The following INSL6 variants were observed in gnomAD, a reference collection of about 807,000 sequenced individuals.
The protein encoded by INSL6 is insulin like 6, also known as insulin-like peptide INSL6.
A neutral mutation model predicts 9.4 loss-of-function variants in INSL6; 16 were observed. That is an observed-to-expected ratio of 1.70 (90% CI 1.15 to 2.59). INSL6 has a LOEUF of 2.59. Among genes scored for constraint, INSL6 ranks in the 30% most tolerant of loss-of-function variants. INSL6 has a pLI of 0.00. For synonymous variants in INSL6, 154 were observed against 96.9 expected, an observed-to-expected ratio of 1.59 and a Z score of -3.46; for missense variants, 391 against 257.3, an observed-to-expected ratio of 1.52 and a Z score of -3.56.
At chr9:5,112,152 G>C in the INSL6 span, 1 of 299,840 alleles carries the variant, frequency 3.3e-6, no homozygotes, top group African/African-American at 2.3e-5. Flanking sequence ...CTAGCAACGT[G>C]CACACGCTGC....
At chr9:5,016,685 T>G in the INSL6 span, among the ~76,000 whole-genome samples, 4 of 152,186 alleles carry the variant, frequency 2.6e-5, no homozygotes, top group Admixed American at 2.0e-4. Flanking sequence ...GAGTATCACC[T>G]GAATTACTGG....
chr9:5,035,389 C>G, the INSL6 span, among the ~76,000 whole-genome samples: 5 of 152,242 alleles, frequency 3.3e-5, no homozygotes, highest in African/African-American at 1.2e-4. Flanking sequence ...TTTATGAGGC[C>G]AGCATCATCC....
At chr9:5,171,759 T>C (rs1019857682) in intron 1 of INSL6, among the ~76,000 whole-genome samples, 1 of 152,032 alleles carries the variant, frequency 6.6e-6, no homozygotes, top group South Asian at 2.1e-4. Context: ...AAAGAGAATA[T>C]ACCTATGAAT....
At chr9:5,044,332 G>A in the INSL6 span, 2 of 886,554 alleles carry the variant, frequency 2.3e-6, no homozygotes, top group African/African-American at 3.3e-5. Context: ...TGCTGTAGGT[G>A]ACTATATATA....
the INSL6 span, among the ~76,000 whole-genome samples, chr9:5,000,804 G>C: frequency 6.6e-6 from 1 of 152,122 alleles, no homozygotes; most frequent in Non-Finnish European, 1.5e-5. Flanking sequence ...GTAAGAACTG[G>C]ATAAAGAAGG....
chr9:5,011,517 A>G, the INSL6 span, among the ~76,000 whole-genome samples: 33 of 152,348 alleles, frequency 2.2e-4, no homozygotes, highest in Non-Finnish European at 4.3e-4. Flanking sequence ...TAGAGTTTAC[A>G]TATGGCTTCT....
chr9:5,178,574 G>A (rs980986186), intron 1 of INSL6, among the ~76,000 whole-genome samples: 1 of 152,154 alleles, frequency 6.6e-6, no homozygotes, highest in African/African-American at 2.4e-5. Flanking sequence ...CCATCTCTGT[G>A]GTTTCCTACA....
At chr9:5,117,522 A>C in the INSL6 span, among the ~76,000 whole-genome samples, 1 of 152,202 alleles carries the variant, frequency 6.6e-6, no homozygotes, top group Non-Finnish European at 1.5e-5. Flanking sequence ...TTCCAGAGGC[A>C]ATAAGATATG....
the INSL6 span, among the ~76,000 whole-genome samples, chr9:5,034,250 A>G: frequency 9.2e-5 from 14 of 152,330 alleles, no homozygotes; most frequent in Admixed American, 2.0e-4. Flanking sequence ...GCAAGTCCTT[A>G]GAGACCTACA....
At chr9:5,148,801 G>T (rs1824652727) in intron 2 of INSL6, among the ~76,000 whole-genome samples, 1 of 152,144 alleles carries the variant, frequency 6.6e-6, no homozygotes, top group Non-Finnish European at 1.5e-5. Flanking sequence ...AGATCCAAAG[G>T]TTTCCCAGGC....
intron 2 of INSL6, among the ~76,000 whole-genome samples, chr9:5,135,208 A>C (rs1824368622): frequency 6.6e-6 from 1 of 152,156 alleles, no homozygotes; most frequent in Non-Finnish European, 1.5e-5. Flanking sequence ...ACGTACAAAG[A>C]GACTTACACT....
chr9:5,139,205 G>A (rs77559991), intron 2 of INSL6, among the ~76,000 whole-genome samples: 1,920 of 152,172 alleles, frequency 0.013, 36 homozygotes, highest in Non-Finnish European at 0.018. Flanking sequence ...AAGAATTGGA[G>A]GCATTCTAAT....
chr9:5,124,313 G>A (rs947736190), exon 4 of INSL6, among the ~76,000 whole-genome samples: 1 of 151,206 alleles, frequency 6.6e-6, no homozygotes, highest in African/African-American at 2.4e-5. Flanking sequence ...GTTTTCTCTA[G>A]GTTTTTTTTC....
At chr9:5,034,674 T>A in the INSL6 span, among the ~76,000 whole-genome samples, 4 of 151,954 alleles carry the variant, frequency 2.6e-5, no homozygotes, top group African/African-American at 9.7e-5. Context: ...GAAATAAAGA[T>A]GTTCTTTGAA....
chr9:5,009,236 C>G, the INSL6 span, among the ~76,000 whole-genome samples: 1 of 151,988 alleles, frequency 6.6e-6, no homozygotes, highest in African/African-American at 2.4e-5. Flanking sequence ...AAGGAGAGAA[C>G]GATCCATTTA....
chr9:5,163,559 C>A (rs1225993545), downstream of INSL6, among the ~76,000 whole-genome samples: 1 of 152,134 alleles, frequency 6.6e-6, no homozygotes. Context: ...GCCTAACAGT[C>A]ATGGGCATCA....
the INSL6 span, chr9:5,111,654 T>G: frequency 2.5e-6 from 1 of 394,570 alleles, no homozygotes; most frequent in Non-Finnish European, 4.9e-6. Flanking sequence ...CCCTCGTCCC[T>G]CCCGCCCAGC....
At chr9:5,069,045 A>T in the INSL6 span, 1 of 1,596,410 alleles carries the variant, frequency 6.3e-7, no homozygotes, top group East Asian at 2.2e-5. Flanking sequence ...TTGAATATAA[A>T]CACTGTTTGA....
At chr9:5,147,398 A>C (rs555085577) in intron 2 of INSL6, among the ~76,000 whole-genome samples, 1 of 152,300 alleles carries the variant, frequency 6.6e-6, no homozygotes, top group South Asian at 2.1e-4. Flanking sequence ...AAGGGTAGCA[A>C]GGAAGGTTCT....
Sources: gnomAD v4.1 joint callset for allele counts (sites outside exome capture counted in the v4.1 genomes callset) on GRCh38, gnomAD v4.1.1 for gene constraint, MANE v1.5 for transcripts, NCBI Gene and HGNC (gene_info 2026-07-23, HGNC 2026-07-21) for gene names.